Variants in PXDNL observed in about 807,000 individuals in gnomAD.
PXDNL encodes peroxidasin like.
PXDNL carries 145 observed loss-of-function variants against 150.8 expected under a neutral mutation model. That is an observed-to-expected ratio of 0.96 (90% CI 0.84 to 1.10). The LOEUF is 1.10. PXDNL is among the 50% of genes least tolerant of loss of function. The pLI is 0.00. For synonymous variants in PXDNL, 757 were observed against 725.7 expected (o/e 1.04, Z -0.69); for missense variants, 2,087 against 1,873.9 (o/e 1.11, Z -2.10).
intron 14 of PXDNL, among the ~76,000 whole-genome samples, chr8:51,422,380 A>G (rs910309515): frequency 1.3e-5 from 2 of 152,186 alleles, no homozygotes; most frequent in East Asian, 3.8e-4. Context: ...GTTGGGGACC[A>G]CTGACCTAGG....
chr8:51,332,753 A>G (rs1805727015), intron 21 of PXDNL, among the ~76,000 whole-genome samples: 1 of 152,202 alleles, frequency 6.6e-6, no homozygotes, highest in South Asian at 2.1e-4. Context: ...CCTCGAAGAC[A>G]AGGTCTTTGA....
chr8:51,430,388 T>G (rs1400554606), intron 12 of PXDNL, among the ~76,000 whole-genome samples: 1 of 152,172 alleles, frequency 6.6e-6, no homozygotes, highest in Non-Finnish European at 1.5e-5. Context: ...TGGGCTTAAA[T>G]TTAAAATAGA....
intron 2 of PXDNL, among the ~76,000 whole-genome samples, chr8:51,649,054 CAATT>C (rs1563495310): frequency 6.6e-6 from 1 of 152,110 alleles, no homozygotes; most frequent in African/African-American, 2.4e-5. Context: ...GAGGATGAAA[CAATT>C]AATATGGGTG....
At chr8:51,443,911 AG>A (rs1406205670) in intron 12 of PXDNL, among the ~76,000 whole-genome samples, 1 of 152,102 alleles carries the variant, frequency 6.6e-6, no homozygotes, top group Non-Finnish European at 1.5e-5. Context: ...TTTAAGTTTT[AG>A]GGTATATGTG....
At chr8:51,580,063 G>A (rs888373731) in intron 3 of PXDNL, among the ~76,000 whole-genome samples, 2 of 151,556 alleles carry the variant, frequency 1.3e-5, no homozygotes, top group Non-Finnish European at 2.9e-5. Flanking sequence ...AATCACAAAA[G>A]GTTATATATT....
intron 1 of PXDNL, among the ~76,000 whole-genome samples, chr8:51,689,786 C>T (rs1048078295): frequency 6.6e-6 from 1 of 152,166 alleles, no homozygotes; most frequent in Non-Finnish European, 1.5e-5. Context: ...CAGGATTTAG[C>T]CATTCTGAGA....
chr8:51,502,895 A>G (rs890504886), intron 4 of PXDNL, among the ~76,000 whole-genome samples: 2 of 152,156 alleles, frequency 1.3e-5, no homozygotes, highest in African/African-American at 2.4e-5. Flanking sequence ...CAAAGAGACA[A>G]TCTAAGGGGT....
At chr8:51,483,525 G>A (rs1426317706) in intron 6 of PXDNL, 118 bp downstream of exon 6, 2 of 700,332 alleles carry the variant, frequency 2.9e-6, no homozygotes, top group South Asian at 1.7e-5. Flanking sequence ...TCCCTAACAT[G>A]CTAGAATTGC....
chr8:51,478,073 T>G (rs536546415), intron 6 of PXDNL, among the ~76,000 whole-genome samples: 2 of 152,242 alleles, frequency 1.3e-5, no homozygotes, highest in Admixed American at 1.3e-4. Context: ...GAGTAATCTT[T>G]ATAAATAATT....
chr8:51,473,525 G>T (rs1585501488), intron 7 of PXDNL, among the ~76,000 whole-genome samples: 2 of 152,016 alleles, frequency 1.3e-5, no homozygotes, highest in Non-Finnish European at 2.9e-5. Context: ...CATGTAAAAA[G>T]TCCTTGGGTT....
At chr8:51,745,601 G>A (rs1033248177) in intron 1 of PXDNL, among the ~76,000 whole-genome samples, 4 of 152,098 alleles carry the variant, frequency 2.6e-5, no homozygotes, top group Non-Finnish European at 5.9e-5. Context: ...CCAGAGTCAT[G>A]TCTCCTTTCA....
intron 15 of PXDNL, 61 bp downstream of exon 15, chr8:51,413,089 T>C (rs1337182903): frequency 9.3e-7 from 1 of 1,071,476 alleles, no homozygotes; most frequent in Non-Finnish European, 1.4e-6. Context: ...ATGGAGATGA[T>C]AAAAACTAAG....
chr8:51,449,094 G>A lies in PXDNL; in HGVS notation c.1274C>T (p.Pro425Leu). Residue 425 changes from proline to leucine, a missense_variant, in exon 11 of 23, where the codon CCC becomes CTC. Transcript: ENST00000356297. ...TTCTTCCAGCACCACTTGATCCTTG[G>A]GGGTTACTGTAAATTGTGGAGGAGC... ...VQAPPQFTVTPKDQVVLEEHA... is the reference protein window; with the variant it reads ...VQAPPQFTVTLKDQVVLEEHA... 1.3e-6 allele frequency: 2 copies of A among 1,550,290 alleles called. No homozygotes were observed. Among genetic ancestry groups the A allele is most frequent in the Non-Finnish European group, 1.7e-6 (2 of 1,146,030 alleles).
chr8:51,552,302 C>G (rs1441052845), intron 4 of PXDNL, among the ~76,000 whole-genome samples: 1 of 151,588 alleles, frequency 6.6e-6, no homozygotes, highest in Admixed American at 6.6e-5. Context: ...GTAGAACTAC[C>G]ATTTGATCCA....
chr8:51,580,340 T>C (rs1455446242), intron 3 of PXDNL, among the ~76,000 whole-genome samples: 1 of 152,166 alleles, frequency 6.6e-6, no homozygotes, highest in East Asian at 1.9e-4. Flanking sequence ...TGCGTATTAT[T>C]TCTTACAGTG....
At chr8:51,394,365 C>T (rs1315703389) in intron 17 of PXDNL, among the ~76,000 whole-genome samples, 3 of 152,084 alleles carry the variant, frequency 2.0e-5, no homozygotes, top group Admixed American at 6.5e-5. Context: ...ATATGGCTTC[C>T]ATTTGGGGAC....
At chr8:51,372,104 A>AC (rs398007772) in intron 18 of PXDNL, 23 bp from the exon 19 acceptor site, 1 of 1,543,154 alleles carries the variant, frequency 6.5e-7, no homozygotes, top group South Asian at 1.2e-5. Context: ...CAAAAAAAAA[A>AC]CATTGTCGTG....
intron 15 of PXDNL, among the ~76,000 whole-genome samples, chr8:51,412,636 C>G (rs975995881): frequency 2.6e-5 from 4 of 152,164 alleles, no homozygotes; most frequent in Admixed American, 1.3e-4. Flanking sequence ...ATGATGAAAT[C>G]AACAATCATT....
chr8:51,738,864 G>A (rs1210810106), intron 1 of PXDNL, among the ~76,000 whole-genome samples: 2 of 151,946 alleles, frequency 1.3e-5, no homozygotes, highest in African/African-American at 2.4e-5. Context: ...TAGGAGACTA[G>A]AGAACACATC....
Sources: gnomAD v4.1 joint callset for allele counts (sites outside exome capture counted in the v4.1 genomes callset) on GRCh38, gnomAD v4.1.1 for gene constraint, MANE v1.5 for transcripts, NCBI Gene and HGNC (gene_info 2026-07-23, HGNC 2026-07-21) for gene names.